ALDH1A1: variants seen among roughly 807,000 people sequenced by gnomAD.
ALDH1A1 encodes aldehyde dehydrogenase 1 family member A1, also known as aldehyde dehydrogenase 1A1.
A neutral mutation model predicts 62.1 loss-of-function variants in ALDH1A1; 19 were observed. That is an observed-to-expected ratio of 0.31 (90% confidence interval 0.21 to 0.45). The LOEUF is 0.45. ALDH1A1 is among the 20% of genes least tolerant of loss of function. The pLI, the probability that ALDH1A1 is intolerant of heterozygous loss-of-function variation, is 1.00. For missense variants in ALDH1A1, 521 were observed against 607.1 expected, an observed-to-expected ratio of 0.86 and a Z score of 1.49; for synonymous variants, 231 against 215.9, an observed-to-expected ratio of 1.07 and a Z score of -0.61.
intron 1 of ALDH1A1, chr9:72,942,350 T>C (rs573983881): frequency 5.1e-6 from 5 of 985,336 alleles, no homozygotes; most frequent in Non-Finnish European, 6.0e-6. Flanking sequence ...CACCCCAAAG[T>C]TCTGAAGCTT....
At chr9:72,918,612 GCTTTT>G (rs1564628617) in intron 8 of ALDH1A1, 103 bp downstream of exon 8, 1 of 576,142 alleles carries the variant, frequency 1.7e-6, no homozygotes, top group Non-Finnish European at 2.9e-6. Context: ...AGAAGCAAAT[GCTTTT>G]TTTTTTTTTT....
chr9:72,912,367 G>A (rs1830003257), intron 9 of ALDH1A1, among the ~76,000 whole-genome samples: 1 of 152,108 alleles, frequency 6.6e-6, no homozygotes, highest in Admixed American at 6.5e-5. Flanking sequence ...ATATAGGAAA[G>A]CATTCAGCAC....
intron 11 of ALDH1A1, among the ~76,000 whole-genome samples, chr9:72,906,921 T>G (rs1350233102): frequency 1.3e-5 from 2 of 152,178 alleles, no homozygotes; most frequent in Non-Finnish European, 2.9e-5. Context: ...GAGGATCACT[T>G]GAGCCCAAGA....
rs747146599 is a variant in ALDH1A1, at chr9:72,952,568, G to A, written c.66+367C>T. On this transcript the variant is annotated intron_variant, in intron 1 of 12. Coordinates refer to ENST00000297785, the MANE Select transcript of ALDH1A1 (RefSeq NM_000689.5). ...TGTTTGCTTTCTATTGTTCCTACTC[G>A]TTTGGTTCTTTCCAGTAAGCTTCTC... Among the ~76,000 whole-genome samples the A allele has an allele frequency of 5.3e-5, 8 of 151,888 alleles. No homozygotes were observed. In the South Asian group the frequency reaches 1.0e-3, roughly 20 times the overall value.
In ALDH1A1 at chr9:72,918,671, C is replaced by T. The variant is rs749702684; in HGVS notation, c.850+49G>A. 12 of 496,602 alleles carry T rather than the reference C, an allele frequency of 2.4e-5. 1 individual carries two copies. Among genetic ancestry groups the T allele is most frequent in the Non-Finnish European group, 3.3e-5 (11 of 329,644 alleles). 30.8% of individuals were successfully genotyped at this position (496,602 alleles called of 1,614,324 possible). ...CAAGTTCACTTTTGGCATTATCAGA[C>T]ACCAAAAACGATGAAGGACGAAAAG... On this transcript the variant is annotated intron_variant, in intron 8 of 12. Transcript: ENST00000297785.
intron 2 of ALDH1A1, among the ~76,000 whole-genome samples, chr9:72,936,122 A>G (rs1038297455): frequency 6.6e-6 from 1 of 152,172 alleles, no homozygotes; most frequent in African/African-American, 2.4e-5. Flanking sequence ...GTAGATGTTA[A>G]TGAGCATCCT....
intron 2 of ALDH1A1, among the ~76,000 whole-genome samples, chr9:72,939,146 T>C (rs762133710): frequency 4.6e-5 from 7 of 152,184 alleles, no homozygotes; most frequent in Non-Finnish European, 8.8e-5. Context: ...GGTTATTACT[T>C]ATTAGCAATG....
At chr9:72,923,900 CAA>C (rs1830172001) in intron 7 of ALDH1A1, 117 bp downstream of exon 7, 1 of 632,370 alleles carries the variant, frequency 1.6e-6, no homozygotes, top group African/African-American at 1.9e-5. Flanking sequence ...AAATAAGTAA[CAA>C]ATCATTAAAA....
intron 2 of ALDH1A1, among the ~76,000 whole-genome samples, chr9:72,939,790 T>C (rs1474294457): frequency 2.0e-5 from 3 of 152,146 alleles, no homozygotes; most frequent in Admixed American, 6.5e-5. Flanking sequence ...AGTGCTGGGA[T>C]TACAGGTGTG....
At position 72,909,635 on chromosome 9, in the gene ALDH1A1, G is replaced by A. The variant is rs1182140682; in HGVS notation, c.1325C>T (p.Thr442Ile). ...TCCTGCCTGCAGAGCAGAGGAGATT[G>A]TTATGGCTTTATCAATGTCTTTGGT... The part of the protein sequence containing the change: ...VFTKDIDKAI[T>I]ISSALQAGTV... Residue 442 changes from threonine (T) to isoleucine (I), a missense_variant, in exon 11 of 13, where the codon ACA becomes ATA. By Grantham distance (89) the Thr-to-Ile change is moderately conservative (BLOSUM62 -1). Coordinates refer to ENST00000297785, the MANE Select transcript of ALDH1A1 (RefSeq NM_000689.5). The A allele has an allele frequency of 4.3e-6, 7 of 1,613,948 alleles. No individual in the cohort carries two copies. The highest frequency in any genetic ancestry group is 5.1e-6 in the Non-Finnish European group (6 of 1,179,914).
chr9:72,952,422 TA>T (rs1039425971), intron 1 of ALDH1A1, among the ~76,000 whole-genome samples: 1 of 152,020 alleles, frequency 6.6e-6, no homozygotes, highest in Non-Finnish European at 1.5e-5. Context: ...ATATGCAAAA[TA>T]ATGCAAGTCC....
chr9:72,924,019 C>T lies in ALDH1A1; in HGVS notation c.747G>A (p.Glu249=). 1 of 1,590,158 alleles carries T rather than the reference C, an allele frequency of 6.3e-7. No individual in the cohort carries two copies. Among genetic ancestry groups the T allele is most frequent in the Non-Finnish European group, 8.6e-7 (1 of 1,168,182 alleles). ...TTTTGCCCTGAGTAAATAATATTACCTCTGTTGATCCTGTGAAGGCTACTT... is the reference window on the plus strand; with the variant it reads ...TTTTGCCCTGAGTAAATAATATTACTTCTGTTGATCCTGTGAAGGCTACTT... The part of the protein sequence containing the change: ...IDKVAFTGST[E]VGKLIKEAAG... Residue 249 remains glutamate, a splice_region_variant and synonymous_variant, in exon 7 of 13, where the codon GAG becomes GAA. Coordinates refer to ENST00000297785, the MANE Select transcript of ALDH1A1 (RefSeq NM_000689.5).
intron 9 of ALDH1A1, among the ~76,000 whole-genome samples, chr9:72,915,868 G>A (rs963273916): frequency 6.6e-6 from 1 of 152,156 alleles, no homozygotes; most frequent in Non-Finnish European, 1.5e-5. Context: ...TTAGTTAATT[G>A]AATTTACTTT....
chr9:72,930,775 T>C, intron 3 of ALDH1A1, 104 bp downstream of exon 3: 5 of 1,361,828 alleles, frequency 3.7e-6, no homozygotes, highest in Non-Finnish European at 5.0e-6. Context: ...TCATTTTGTT[T>C]GTAGAGAGCA....
intron 9 of ALDH1A1, among the ~76,000 whole-genome samples, chr9:72,914,735 G>GTC (rs1554740072): frequency 6.6e-6 from 1 of 150,686 alleles, no homozygotes; most frequent in East Asian, 1.9e-4. Context: ...AATATGCAAA[G>GTC]TATATATATA....
chr9:72,901,250 C>T lies in ALDH1A1; in HGVS notation c.1464G>A (p.Glu488=), dbSNP rs139965768. 151 of 1,609,982 alleles carry T rather than the reference C, an allele frequency of 9.4e-5. No individual in the cohort carries two copies. The highest frequency in any genetic ancestry group is 1.2e-4 in the Non-Finnish European group (146 of 1,178,124). The change falls in exon 13 of 13, where the codon GAG becomes GAA. Residue 488 remains glutamate (E), a synonymous_variant. Coordinates refer to ENST00000297785, the MANE Select transcript of ALDH1A1 (RefSeq NM_000689.5). ...AGATTTTCACTGTGACTGTTTTGAC[C>T]TCTGTATATTCATGGAAACCGTACT... ...LGEYGFHEYT[E]VKTVTVKISQ... is the part of the protein sequence containing the mutation.
chr9:72,910,812 C>G lies in ALDH1A1; in HGVS notation c.1201-1053G>C, dbSNP rs189045417. Among the ~76,000 whole-genome samples, 307 of 152,212 alleles carry G rather than the reference C, an allele frequency of 2.0e-3. 1 individual carries two copies. The highest frequency in any genetic ancestry group is 7.1e-3 in the African/African-American group (296 of 41,550). On this transcript the variant is annotated intron_variant, in intron 10 of 12. Coordinates refer to ENST00000297785, the MANE Select transcript of ALDH1A1 (RefSeq NM_000689.5). ...TGTTCAATAGAGGTTGAGTGTGAAT[C>G]TTAACGTTATAAATCTAATCCTATT...
intron 11 of ALDH1A1, among the ~76,000 whole-genome samples, chr9:72,908,532 AAAG>A (rs1564622309): frequency 1.4e-3 from 204 of 141,470 alleles, no homozygotes; most frequent in African/African-American, 2.5e-3. Context: ...AGAAAGAAAG[AAAG>A]AAAGAAAGAA....
rs1829953900 is a variant in ALDH1A1 at position 72,909,622 on chromosome 9, A to G, written c.1338T>C (p.Ala446=). ...CTTACCACACTGTTCCTGCCTGCAGAGCAGAGGAGATTGTTATGGCTTTAT... is the reference window on the plus strand; with the variant it reads ...CTTACCACACTGTTCCTGCCTGCAGGGCAGAGGAGATTGTTATGGCTTTAT... The part of the protein sequence containing the change: ...DIDKAITISS[A]LQAGTVWVNC... The change falls in exon 11 of 13, where the codon GCT becomes GCC. Residue 446 remains alanine, a synonymous_variant. Transcript: ENST00000297785. 1 of 1,613,762 alleles carries G rather than the reference A, an allele frequency of 6.2e-7. No individual in the cohort carries two copies. The highest frequency in any genetic ancestry group is 8.5e-7 in the Non-Finnish European group (1 of 1,179,900).
Sources: gnomAD v4.1 joint callset for allele counts (sites outside exome capture counted in the v4.1 genomes callset) on GRCh38, gnomAD v4.1.1 for gene constraint, MANE v1.5 for transcripts, NCBI Gene and HGNC (gene_info 2026-07-23, HGNC 2026-07-21) for gene names.